Variants in RABGAP1 observed in about 807,000 individuals in gnomAD.
The protein encoded by RABGAP1 is RAB GTPase activating protein 1, also known as rab GTPase-activating protein 1.
RABGAP1 carries 23 observed loss-of-function variants against 137.6 expected under a neutral mutation model. That is an observed-to-expected ratio of 0.17 (90% CI 0.12 to 0.24). RABGAP1 has a LOEUF of 0.24. Ranked by LOEUF, RABGAP1 falls within the 10% of genes least tolerant of loss-of-function variation. RABGAP1 has a pLI of 1.00. For missense variants in RABGAP1, 906 were observed against 1,275.8 expected (o/e 0.71, Z 4.42); for synonymous variants, 451 against 450.7 (o/e 1.00, Z -0.01).
At chr9:122,968,860 C>T (rs1162716030) in intron 2 of RABGAP1, among the ~76,000 whole-genome samples, 1 of 152,214 alleles carries the variant, frequency 6.6e-6, no homozygotes. Flanking sequence ...GATGATCCAC[C>T]TGCCTTGGCC....
intron 10 of RABGAP1, among the ~76,000 whole-genome samples, chr9:123,005,329 A>C (rs1015297665): frequency 2.7e-5 from 4 of 149,508 alleles, no homozygotes; most frequent in African/African-American, 4.9e-5. Flanking sequence ...TAAAATACTT[A>C]TAAATGTCAT....
chr9:123,087,779 G>T (rs1042458949), intron 19 of RABGAP1, among the ~76,000 whole-genome samples: 6 of 152,180 alleles, frequency 3.9e-5, no homozygotes, highest in African/African-American at 1.4e-4. Context: ...CTGACTAGGG[G>T]AGGTGTCCAC....
At chr9:122,993,379 C>G (rs1279462621) in intron 6 of RABGAP1, among the ~76,000 whole-genome samples, 2 of 152,108 alleles carry the variant, frequency 1.3e-5, no homozygotes, top group South Asian at 2.1e-4. Flanking sequence ...TCAAGTGATT[C>G]TACTGCTTCA....
At chr9:123,042,367 G>A (rs2032994136) in intron 13 of RABGAP1, among the ~76,000 whole-genome samples, 1 of 152,096 alleles carries the variant, frequency 6.6e-6, no homozygotes, top group Admixed American at 6.5e-5. Context: ...TTGAGAAAAA[G>A]TTCTCACATA....
chr9:123,002,767 TTTAG>T (rs1326032340), intron 10 of RABGAP1, among the ~76,000 whole-genome samples: 1 of 152,188 alleles, frequency 6.6e-6, no homozygotes, highest in African/African-American at 2.4e-5. Context: ...TTAATTTTTT[TTTAG>T]TTAGGCTAAA....
intron 2 of RABGAP1, among the ~76,000 whole-genome samples, chr9:122,969,412 C>T (rs1237926440): frequency 6.6e-6 from 1 of 152,144 alleles, no homozygotes; most frequent in South Asian, 2.1e-4. Flanking sequence ...GGAACATGTT[C>T]TCCAAATTTA....
At chr9:123,023,064 CAT>C in intron 13 of RABGAP1, among the ~76,000 whole-genome samples, 1 of 152,292 alleles carries the variant, frequency 6.6e-6, no homozygotes, top group Non-Finnish European at 1.5e-5. Flanking sequence ...AGAGCAAGAA[CAT>C]ATCCATAACC....
At chr9:123,045,690 C>T (rs953205710) in intron 13 of RABGAP1, among the ~76,000 whole-genome samples, 2 of 152,010 alleles carry the variant, frequency 1.3e-5, no homozygotes, top group South Asian at 4.2e-4. Context: ...AATAGTAAGG[C>T]TTTTAAAGTT....
chr9:123,089,312 T>TTACA (rs2132210124), intron 19 of RABGAP1, among the ~76,000 whole-genome samples: 1 of 152,258 alleles, frequency 6.6e-6, no homozygotes, highest in Non-Finnish European at 1.5e-5. Context: ...TTTGGTCAAG[T>TTACA]TACATAACCA....
intron 13 of RABGAP1, among the ~76,000 whole-genome samples, chr9:123,049,502 A>G (rs2033364800): frequency 6.6e-6 from 1 of 152,266 alleles, no homozygotes; most frequent in Admixed American, 6.5e-5. Flanking sequence ...CAGCAAAGGT[A>G]TTTAATATTG....
chr9:123,085,802 G>A (rs2132195780), intron 19 of RABGAP1, among the ~76,000 whole-genome samples: 1 of 152,342 alleles, frequency 6.6e-6, no homozygotes, highest in Admixed American at 6.5e-5. Flanking sequence ...CCCTCATGGA[G>A]TTTGTACGTT....
At chr9:122,938,982 T>A (rs1316334659), upstream of RABGAP1, 1 of 152,190 alleles carries the variant, frequency 6.6e-6, no homozygotes, top group Non-Finnish European at 1.5e-5. Context: ...AGTCAAGGGA[T>A]GTAACCAGAT....
At chr9:122,994,563 A>T (rs1167058844) in intron 6 of RABGAP1, among the ~76,000 whole-genome samples, 1 of 152,180 alleles carries the variant, frequency 6.6e-6, no homozygotes, top group African/African-American at 2.4e-5. Context: ...AATTAGTATA[A>T]ATAGTAATAA....
chr9:122,983,540 A>G (rs997261675), intron 2 of RABGAP1, among the ~76,000 whole-genome samples: 5 of 152,196 alleles, frequency 3.3e-5, no homozygotes, highest in African/African-American at 1.2e-4. Context: ...CCCCAGAGGT[A>G]CCTACCTCTG....
chr9:123,044,145 C>T (rs550522905), intron 13 of RABGAP1, among the ~76,000 whole-genome samples: 21 of 152,098 alleles, frequency 1.4e-4, no homozygotes, highest in African/African-American at 3.6e-4. Context: ...CCTCGTGATC[C>T]GCCCATCTCG....
At chr9:122,958,951 G>T (rs528260113) in intron 2 of RABGAP1, among the ~76,000 whole-genome samples, 2 of 152,254 alleles carry the variant, frequency 1.3e-5, no homozygotes, top group East Asian at 3.9e-4. Flanking sequence ...GGAGGCTGCA[G>T]TGAACCATGA....
chr9:123,034,190 T>G (rs1198839251), intron 13 of RABGAP1: 2 of 239,444 alleles, frequency 8.4e-6, no homozygotes, highest in African/African-American at 2.3e-5. Flanking sequence ...GGAGACTCAT[T>G]ACAACTCCTG....
intron 21 of RABGAP1, among the ~76,000 whole-genome samples, chr9:123,091,488 A>T (rs937891192): frequency 6.6e-6 from 1 of 152,190 alleles, no homozygotes; most frequent in Non-Finnish European, 1.5e-5. Context: ...CCATTCAGAA[A>T]ATGTAGGATG....
intron 13 of RABGAP1, among the ~76,000 whole-genome samples, chr9:123,029,959 C>T (rs1313191627): frequency 6.6e-6 from 1 of 152,202 alleles, no homozygotes; most frequent in Admixed American, 6.5e-5. Context: ...ATAATTTGAA[C>T]AGGTCTTTTC....
Sources: allele counts gnomAD v4.1 joint callset (sites outside exome capture counted in the v4.1 genomes callset), GRCh38; gene constraint gnomAD v4.1.1; transcripts MANE v1.5; gene names NCBI Gene and HGNC (gene_info 2026-07-23, HGNC 2026-07-21).